The following BTBD8 variants were observed in gnomAD, a reference collection of about 807,000 sequenced individuals.
BTBD8 encodes the protein BTB/POZ domain-containing protein 8.
BTBD8 carries 110 observed loss-of-function variants against 162.9 expected under a neutral mutation model. That is an observed-to-expected ratio of 0.68 (90% confidence interval 0.58 to 0.79). The LOEUF is 0.79. BTBD8 is among the 30% of genes least tolerant of loss of function. The probability of loss-of-function intolerance (pLI) is 0.00; values close to 1 mark genes in which losing one functional copy is unlikely to be tolerated. For synonymous variants in BTBD8, 667 were observed against 716.1 expected (o/e 0.93, Z 1.10); for missense variants, 1,905 against 2,085.4 (o/e 0.91, Z 1.68).
chr1:92,132,720 G>A (rs994933466), intron 5 of BTBD8, among the ~76,000 whole-genome samples: 1 of 152,128 alleles, frequency 6.6e-6, no homozygotes, highest in South Asian at 2.1e-4. Flanking sequence ...TGTAAGCAAG[G>A]CTTTGCTTCT....
intron 3 of BTBD8, among the ~76,000 whole-genome samples, chr1:92,107,021 G>A (rs1648747926): frequency 6.6e-6 from 1 of 152,004 alleles, no homozygotes. Context: ...TGAAGCTGTA[G>A]TAAGCTATGT....
intron 7 of BTBD8, among the ~76,000 whole-genome samples, chr1:92,146,706 A>G (rs1308953263): frequency 6.6e-6 from 1 of 152,144 alleles, no homozygotes; most frequent in Non-Finnish European, 1.5e-5. Context: ...GCAATCATAC[A>G]GTATATAGCC....
intron 9 of BTBD8, among the ~76,000 whole-genome samples, chr1:92,163,354 C>CA (rs34760395): frequency 0.012 from 244 of 20,408 alleles, 74 homozygotes; most frequent in Admixed American, 0.021. Flanking sequence ...GATTCTGTCT[C>CA]AAAAAAAAAA....
At chr1:92,085,254 T>C (rs940035992) in intron 1 of BTBD8, among the ~76,000 whole-genome samples, 2 of 152,250 alleles carry the variant, frequency 1.3e-5, no homozygotes, top group African/African-American at 4.8e-5. Context: ...TTAGATAAGT[T>C]ATGCTATGGT....
chr1:92,095,685 A>G lies in BTBD8; in HGVS notation c.348-6788A>G, dbSNP rs369086363. On this transcript the variant is annotated intron_variant, in intron 2 of 17. Coordinates refer to ENST00000636805, the MANE Select transcript of BTBD8 (RefSeq NM_001376131.1). ...GCTACTATTGTCAATTTTCCTAAGT[A>G]TATGTGTTAGTAATTGCAATTGCTA... Among the ~76,000 whole-genome samples, 80 of 152,280 alleles carry G rather than the reference A, an allele frequency of 5.3e-4. 1 individual carries two copies. Among genetic ancestry groups the G allele is most frequent in the African/African-American group, 1.8e-3 (75 of 41,550 alleles).
At chr1:92,085,800 G>A (rs1305815013) in intron 1 of BTBD8, among the ~76,000 whole-genome samples, 1 of 152,216 alleles carries the variant, frequency 6.6e-6, no homozygotes, top group Admixed American at 6.5e-5. Context: ...GGCTGAGGGG[G>A]ATGGATTGCT....
intron 1 of BTBD8, 31 bp from the exon 2 acceptor site, chr1:92,088,667 T>A (rs1648219451): frequency 3.4e-6 from 5 of 1,480,284 alleles, no homozygotes; most frequent in Non-Finnish European, 4.5e-6. Flanking sequence ...GTATCACTAA[T>A]TAAACTATGA....
At chr1:92,108,119 C>A in intron 4 of BTBD8, 118 bp downstream of exon 4, 1 of 910,590 alleles carries the variant, frequency 1.1e-6, no homozygotes, top group Non-Finnish European at 1.8e-6. Context: ...CACAGGGGTT[C>A]CATGAAGGCC....
chr1:92,123,113 C>G (rs1649259629), intron 4 of BTBD8, among the ~76,000 whole-genome samples: 1 of 152,144 alleles, frequency 6.6e-6, no homozygotes, highest in Admixed American at 6.5e-5. Flanking sequence ...GTCTTTTCCC[C>G]CATTGAATTA....
chr1:92,098,663 T>G (rs1338337706), intron 2 of BTBD8, among the ~76,000 whole-genome samples: 2 of 152,196 alleles, frequency 1.3e-5, no homozygotes, highest in Non-Finnish European at 2.9e-5. Context: ...AGCTAATCAT[T>G]TGCATTTCCA....
intron 1 of BTBD8, among the ~76,000 whole-genome samples, chr1:92,081,582 T>G (rs1465876590): frequency 6.6e-6 from 1 of 152,188 alleles, no homozygotes; most frequent in Non-Finnish European, 1.5e-5. Context: ...ATTCTACTTT[T>G]TTTTTTTTGG....
chr1:92,165,965 AAT>A (rs1411020520), intron 9 of BTBD8, among the ~76,000 whole-genome samples: 4 of 152,238 alleles, frequency 2.6e-5, no homozygotes, highest in Non-Finnish European at 5.9e-5. Context: ...CTAATTAATA[AAT>A]AGTTATTTAC....
chr1:92,178,813 G>A (rs12040689), intron 16 of BTBD8, among the ~76,000 whole-genome samples: 25,418 of 152,006 alleles, frequency 0.17, 2,416 homozygotes, highest in South Asian at 0.25. Flanking sequence ...ATTGTCTTTT[G>A]TGAGAGAAAT....
intron 9 of BTBD8, among the ~76,000 whole-genome samples, chr1:92,154,252 C>T (rs967632471): frequency 3.3e-5 from 5 of 152,148 alleles, no homozygotes; most frequent in African/African-American, 9.7e-5. Flanking sequence ...AATTACTTAG[C>T]CTGCAGTAGT....
Position 92,182,041 on chromosome 1 carries a change from G to C in BTBD8, c.4358G>C (p.Gly1453Ala). 6.4e-7 allele frequency: 1 copy of C among 1,551,450 alleles called. No individual in the cohort carries two copies. Among genetic ancestry groups the C allele is most frequent in the Non-Finnish European group, 8.7e-7 (1 of 1,146,886 alleles). ...TGTGAAGAGCTGGGATCAGATGAAG[G>C]AGAAGTCCATACTCCCTTTCAGGCT... ...DECEELGSDEGEVHTPFQASV... is the reference protein window; with the variant it reads ...DECEELGSDEAEVHTPFQASV... Residue 1453 changes from glycine (G) to alanine (A), a missense_variant, in exon 17 of 18, where the codon GGA (glycine) becomes GCA (alanine). Gly to Ala is a moderately conservative substitution (Grantham distance 60, BLOSUM62 0). Around this residue, in one of 3 missense-constraint regions of BTBD8, gnomAD observed 517 missense variants for 606.6 expected, o/e 0.85. Coordinates refer to ENST00000636805, the MANE Select transcript of BTBD8 (RefSeq NM_001376131.1).
chr1:92,169,549 A>C (rs939846391), intron 12 of BTBD8, among the ~76,000 whole-genome samples: 3 of 152,162 alleles, frequency 2.0e-5, no homozygotes, highest in Non-Finnish European at 4.4e-5. Context: ...TAAACAAAAG[A>C]TGTATATTGC....
At position 92,168,938 on chromosome 1, in the gene BTBD8, CG is replaced by C; in HGVS notation, c.1517del (p.Arg506LeufsTer8). 1 of 1,543,400 alleles carries C rather than the reference CG, an allele frequency of 6.5e-7. No homozygotes were observed. Among genetic ancestry groups the C allele is most frequent in the Non-Finnish European group, 8.8e-7 (1 of 1,140,946 alleles). On this transcript the variant is annotated frameshift_variant, in exon 12 of 18. Transcript: ENST00000636805. LOFTEE classifies it high-confidence loss of function. ...IFLVQSFYAV[R>X]HTESWKLMST... is the part of the protein sequence containing the mutation. ...CCTGGTTCAGTCTTTCTATGCTGTT[CG>C]TCACACAGAAAGCTGGAAGCTGATG...
In BTBD8 at chr1:92,181,773, A is replaced by G; in HGVS notation, c.4090A>G (p.Ile1364Val). ...AIVHSREREN[I>V]PRGSVQFAQE... The stretch of plus-strand genomic sequence containing the variant: ...AGTTCACTCTAGGGAAAGAGAAAAT[A>G]TTCCACGAGGCAGTGTCCAGTTTGC... The change falls in exon 17 of 18, where the codon ATT becomes GTT. Residue 1364 changes from isoleucine (I) to valine (V), a missense_variant. Physicochemically the swap from Ile to Val is conservative, Grantham distance 29. Around this residue, in one of 3 missense-constraint regions of BTBD8, gnomAD observed 517 missense variants for 606.6 expected, o/e 0.85. Coordinates refer to ENST00000636805, the MANE Select transcript of BTBD8 (RefSeq NM_001376131.1). The G allele has an allele frequency of 6.4e-7, 1 of 1,551,354 alleles. No homozygotes were observed. The highest frequency in any genetic ancestry group is 8.7e-7 in the Non-Finnish European group (1 of 1,146,958).
intron 3 of BTBD8, among the ~76,000 whole-genome samples, chr1:92,103,186 G>A (rs563143142): frequency 1.3e-5 from 2 of 152,124 alleles, no homozygotes; most frequent in Non-Finnish European, 2.9e-5. Flanking sequence ...CAAATTGATG[G>A]AACTCATTTT....
Sources: gnomAD v4.1 joint callset for allele counts (sites outside exome capture counted in the v4.1 genomes callset) on GRCh38, gnomAD v4.1.1 for gene constraint, gnomAD v4.1.1 regional missense constraint, MANE v1.5 for transcripts, NCBI Gene and HGNC (gene_info 2026-07-23, HGNC 2026-07-21) for gene names.